KCNT2: variants seen among roughly 807,000 people sequenced by gnomAD.
KCNT2 encodes potassium sodium-activated channel subfamily T member 2.
KCNT2 carries 67 observed loss-of-function variants against 153.8 expected under a neutral mutation model. The observed-to-expected ratio is 0.44, with a 90% CI of 0.36 to 0.53. KCNT2 has a LOEUF of 0.53. Ranked by LOEUF, KCNT2 falls within the 20% of genes least tolerant of loss-of-function variation. The pLI is 0.00. For missense variants in KCNT2, 975 were observed against 1,354.8 expected (o/e 0.72, Z 4.40); for synonymous variants, 500 against 458.8 (o/e 1.09, Z -1.15).
intron 19 of KCNT2, among the ~76,000 whole-genome samples, chr1:196,323,226 GT>G (rs1290420320): frequency 2.0e-5 from 3 of 151,884 alleles, no homozygotes; most frequent in African/African-American, 7.2e-5. Context: ...ATAAGCTGAA[GT>G]TTACTTGGCA....
intron 24 of KCNT2, among the ~76,000 whole-genome samples, chr1:196,282,012 G>A (rs761452060): frequency 2.6e-5 from 4 of 152,028 alleles, no homozygotes; most frequent in African/African-American, 4.8e-5. Flanking sequence ...GCCTCCCAAA[G>A]TGCTAGGATT....
intron 12 of KCNT2, among the ~76,000 whole-genome samples, chr1:196,414,124 C>A (rs770124148): frequency 7.9e-5 from 12 of 151,560 alleles, no homozygotes; most frequent in Non-Finnish European, 1.5e-4. Flanking sequence ...TGATTTAGAA[C>A]AATATTGAGG....
At chr1:196,578,360 C>A (rs1404540613) in intron 1 of KCNT2, among the ~76,000 whole-genome samples, 1 of 152,076 alleles carries the variant, frequency 6.6e-6, no homozygotes, top group Non-Finnish European at 1.5e-5. Context: ...GAACTGGGAG[C>A]CTTGAACGCG....
intron 26 of KCNT2, among the ~76,000 whole-genome samples, chr1:196,250,242 A>C (rs894035711): frequency 1.3e-5 from 2 of 152,168 alleles, no homozygotes; most frequent in Non-Finnish European, 2.9e-5. Flanking sequence ...TGGCATAAAA[A>C]CACAGCATGA....
intron 1 of KCNT2, among the ~76,000 whole-genome samples, chr1:196,498,784 T>G (rs1175166621): frequency 6.6e-6 from 1 of 152,230 alleles, no homozygotes; most frequent in Admixed American, 6.5e-5. Flanking sequence ...TATCTCACTC[T>G]GTTTTCACTA....
At chr1:196,421,225 C>T (rs984918740) in intron 12 of KCNT2, among the ~76,000 whole-genome samples, 1 of 151,938 alleles carries the variant, frequency 6.6e-6, no homozygotes, top group Admixed American at 6.6e-5. Flanking sequence ...TTACTCATTT[C>T]TTCCAATTTA....
At chr1:196,320,996 GA>G (rs1663256728) in intron 19 of KCNT2, among the ~76,000 whole-genome samples, 1 of 137,774 alleles carries the variant, frequency 7.3e-6, no homozygotes, top group Non-Finnish European at 1.5e-5. Flanking sequence ...TTTAAGCATT[GA>G]TTTTTTTTTT....
intron 1 of KCNT2, among the ~76,000 whole-genome samples, chr1:196,601,539 T>G (rs758309117): frequency 1.3e-5 from 2 of 152,216 alleles, no homozygotes; most frequent in Non-Finnish European, 2.9e-5. Flanking sequence ...CAGGCTATCA[T>G]TTAAATTTTG....
At chr1:196,315,274 A>G (rs900163153) in intron 21 of KCNT2, among the ~76,000 whole-genome samples, 13 of 151,720 alleles carry the variant, frequency 8.6e-5, no homozygotes, top group African/African-American at 2.7e-4. Context: ...CAAGTGAAAC[A>G]GATGCCTTGA....
At position 196,280,953 on chromosome 1, in the gene KCNT2, A is replaced by C. The variant is rs940113578; in HGVS notation, c.2817T>G (p.Thr939=). The C allele has an allele frequency of 6.2e-7, 1 of 1,611,692 alleles. No individual in the cohort carries two copies. Among genetic ancestry groups the C allele is most frequent in the African/African-American group, 1.3e-5 (1 of 74,890 alleles). ...KITADDLWIR[T]YARLYQKLCS... ...ACAACTTCTGATAAAGTCTGGCATAAGTTCTGATCCATAAGTCATCTGCAG... is the reference window on the plus strand; with the variant it reads ...ACAACTTCTGATAAAGTCTGGCATACGTTCTGATCCATAAGTCATCTGCAG... Residue 939 remains threonine (T), a synonymous_variant, in exon 25 of 28, where the codon ACT becomes ACG. Transcript: ENST00000294725.
intron 13 of KCNT2, among the ~76,000 whole-genome samples, chr1:196,389,929 C>T (rs1033536009): frequency 6.6e-6 from 1 of 151,568 alleles, no homozygotes; most frequent in African/African-American, 2.4e-5. Flanking sequence ...GTGAATATCT[C>T]CCACCCTGTC....
At chr1:196,243,603 C>A (rs1655157884) in intron 26 of KCNT2, among the ~76,000 whole-genome samples, 2 of 152,318 alleles carry the variant, frequency 1.3e-5, no homozygotes, top group South Asian at 4.1e-4. Flanking sequence ...TGGTAAGCAA[C>A]ACTGGGCAGA....
chr1:196,577,424 C>A (rs1240634922), intron 1 of KCNT2, among the ~76,000 whole-genome samples: 1 of 152,108 alleles, frequency 6.6e-6, no homozygotes, highest in African/African-American at 2.4e-5. Flanking sequence ...ATGGAGAAGG[C>A]ACAGAGATGA....
At chr1:196,527,490 A>T (rs1359873373) in intron 1 of KCNT2, among the ~76,000 whole-genome samples, 1 of 152,166 alleles carries the variant, frequency 6.6e-6, no homozygotes, top group African/African-American at 2.4e-5. Flanking sequence ...CGTAAAATGA[A>T]TGATATTAAT....
intron 1 of KCNT2, among the ~76,000 whole-genome samples, chr1:196,601,261 C>CT (rs1226312797): frequency 1.3e-5 from 2 of 152,224 alleles, no homozygotes; most frequent in Non-Finnish European, 2.9e-5. Context: ...CCCCAGACCA[C>CT]TATTTCATCT....
At chr1:196,300,199 G>A (rs989367109) in intron 22 of KCNT2, among the ~76,000 whole-genome samples, 5 of 152,162 alleles carry the variant, frequency 3.3e-5, no homozygotes, top group African/African-American at 1.2e-4. Context: ...GAAAGACAGG[G>A]GCTACAGAAG....
At chr1:196,374,035 C>A (rs779946031) in intron 13 of KCNT2, among the ~76,000 whole-genome samples, 13 of 151,674 alleles carry the variant, frequency 8.6e-5, no homozygotes, top group Non-Finnish European at 1.6e-4. Flanking sequence ...GGCTCAGATG[C>A]CAGATATTCT....
At chr1:196,446,418 G>A (rs1033394470) in intron 8 of KCNT2, among the ~76,000 whole-genome samples, 7 of 151,424 alleles carry the variant, frequency 4.6e-5, no homozygotes, top group Admixed American at 4.0e-4. Flanking sequence ...GGAGCAAGCT[G>A]TGGAACCACA....
intron 23 of KCNT2, among the ~76,000 whole-genome samples, chr1:196,283,198 C>T (rs1266853379): frequency 6.6e-6 from 1 of 152,178 alleles, no homozygotes; most frequent in Non-Finnish European, 1.5e-5. Flanking sequence ...AATCCCAGCA[C>T]TCTGGGAGGC....
Sources: allele counts gnomAD v4.1 joint callset (sites outside exome capture counted in the v4.1 genomes callset), GRCh38; gene constraint gnomAD v4.1.1; transcripts MANE v1.5; gene names NCBI Gene and HGNC (gene_info 2026-07-23, HGNC 2026-07-21).